Variants in RAP1A observed in about 807,000 individuals in gnomAD.
RAP1A encodes ras-related protein Rap-1A.
A neutral mutation model predicts 26.4 loss-of-function variants in RAP1A; 6 were observed. The observed-to-expected ratio is 0.23, with a 90% CI of 0.12 to 0.45. The LOEUF is 0.45. Among genes scored for constraint, RAP1A ranks in the 20% least tolerant of loss-of-function variants. The pLI, the probability that RAP1A is intolerant of heterozygous loss-of-function variation, is 0.99. For missense variants in RAP1A, 121 were observed against 217.2 expected (o/e 0.56, Z 2.78); for synonymous variants, 73 against 79.4 (o/e 0.92, Z 0.43).
intron 1 of RAP1A, among the ~76,000 whole-genome samples, chr1:111,651,080 G>A (rs1660253928): frequency 6.6e-6 from 1 of 152,164 alleles, no homozygotes; most frequent in Admixed American, 6.5e-5. Flanking sequence ...GGGATTACAG[G>A]TGTGAGCCAC....
At chr1:111,544,315 A>T (rs566594007) in intron 1 of RAP1A, among the ~76,000 whole-genome samples, 13 of 152,200 alleles carry the variant, frequency 8.5e-5, no homozygotes, top group Non-Finnish European at 1.9e-4. Flanking sequence ...ACAATGTTGT[A>T]CAACCATCAC....
intron 4 of RAP1A, among the ~76,000 whole-genome samples, chr1:111,700,535 C>T (rs541400384): frequency 5.9e-5 from 9 of 152,332 alleles, no homozygotes; most frequent in African/African-American, 1.9e-4. Flanking sequence ...CCACAGGCCT[C>T]ACCTCCAACA....
chr1:111,569,306 C>T lies in RAP1A; in HGVS notation c.-28+26797C>T, dbSNP rs559100186. Among the ~76,000 whole-genome samples, 8 of 147,892 alleles carry T rather than the reference C, an allele frequency of 5.4e-5. No individual in the cohort carries two copies. The East Asian group carries it at 6.0e-4, about 11-fold the overall frequency. ...GTCCCAGCTACCTGGGAAGCTGAGG[C>T]GGGGGAATCTTGAGCCCAGGAGGTG... On this transcript the variant is annotated intron_variant, in intron 1 of 7. Transcript: ENST00000356415.
chr1:111,566,574 C>T (rs976506692), intron 1 of RAP1A, among the ~76,000 whole-genome samples: 2 of 152,216 alleles, frequency 1.3e-5, no homozygotes, highest in Non-Finnish European at 2.9e-5. Flanking sequence ...CCTGGAATTT[C>T]ACCTGGGCAT....
chr1:111,670,977 A>G (rs767556007), intron 1 of RAP1A, among the ~76,000 whole-genome samples: 6 of 152,246 alleles, frequency 3.9e-5, no homozygotes, highest in African/African-American at 9.6e-5. Context: ...CAAAGGTGCA[A>G]TGAATCACAT....
At chr1:111,569,357 C>T (rs1657990229) in intron 1 of RAP1A, among the ~76,000 whole-genome samples, 1 of 145,664 alleles carries the variant, frequency 6.9e-6, no homozygotes, top group Non-Finnish European at 1.5e-5. Flanking sequence ...CGAGATCGCA[C>T]CATTGCACTC....
intron 1 of RAP1A, among the ~76,000 whole-genome samples, chr1:111,650,993 G>A (rs979895280): frequency 6.6e-6 from 1 of 151,944 alleles, no homozygotes; most frequent in Non-Finnish European, 1.5e-5. Flanking sequence ...TAGTACAGAT[G>A]GAGTTTCACC....
chr1:111,676,796 A>ATTT (rs559287814), intron 1 of RAP1A, among the ~76,000 whole-genome samples: 1 of 144,210 alleles, frequency 6.9e-6, no homozygotes, highest in African/African-American at 2.5e-5. Flanking sequence ...TCTTCTCTAG[A>ATTT]TTTTTTTTTT....
intron 1 of RAP1A, among the ~76,000 whole-genome samples, chr1:111,622,895 C>A (rs1307425419): frequency 2.0e-5 from 3 of 152,094 alleles, no homozygotes; most frequent in Non-Finnish European, 2.9e-5. Context: ...CCAGATCTTG[C>A]CAGTGTTTAG....
At chr1:111,562,409 T>C (rs1005116186) in intron 1 of RAP1A, among the ~76,000 whole-genome samples, 7 of 152,214 alleles carry the variant, frequency 4.6e-5, no homozygotes, top group African/African-American at 1.7e-4. Context: ...TCTGTGTGGT[T>C]AAATTAAACA....
At chr1:111,544,327 A>G (rs1235865690) in intron 1 of RAP1A, among the ~76,000 whole-genome samples, 4 of 152,142 alleles carry the variant, frequency 2.6e-5, no homozygotes, top group Non-Finnish European at 5.9e-5. Flanking sequence ...AACCATCACT[A>G]CTATCCAATT....
chr1:111,681,412 G>T (rs1283926725), intron 1 of RAP1A, among the ~76,000 whole-genome samples: 1 of 152,200 alleles, frequency 6.6e-6, no homozygotes, highest in African/African-American at 2.4e-5. Context: ...CCAAGCTAAA[G>T]TGCATGTTCT....
intron 1 of RAP1A, chr1:111,600,165 C>T (rs550590143): frequency 5.3e-5 from 8 of 152,222 alleles, no homozygotes; most frequent in Non-Finnish European, 1.2e-4. Context: ...TTTATAGCAA[C>T]ACAAGAACAG....
intron 1 of RAP1A, among the ~76,000 whole-genome samples, chr1:111,654,146 T>C (rs1660376726): frequency 6.6e-6 from 1 of 152,242 alleles, no homozygotes; most frequent in Non-Finnish European, 1.5e-5. Flanking sequence ...AGCAAGAGCC[T>C]AAGGACTCTC....
At chr1:111,679,528 T>C (rs1210813799) in intron 1 of RAP1A, among the ~76,000 whole-genome samples, 1 of 151,982 alleles carries the variant, frequency 6.6e-6, no homozygotes, top group Non-Finnish European at 1.5e-5. Flanking sequence ...TTTTTTTTTG[T>C]ACCCAGTGGC....
chr1:111,590,440 A>G (rs1007763867), intron 1 of RAP1A, among the ~76,000 whole-genome samples: 8 of 152,228 alleles, frequency 5.3e-5, no homozygotes, highest in African/African-American at 1.9e-4. Context: ...TCCTTTATCA[A>G]GTTAGGGAAT....
At chr1:111,665,921 A>G (rs745982588) in intron 1 of RAP1A, among the ~76,000 whole-genome samples, 8 of 152,190 alleles carry the variant, frequency 5.3e-5, no homozygotes, top group Non-Finnish European at 1.2e-4. Context: ...GAGCTTTAAA[A>G]TGATTTAAAG....
chr1:111,636,483 A>ATT (rs796747616), intron 1 of RAP1A, among the ~76,000 whole-genome samples: 4 of 143,514 alleles, frequency 2.8e-5, no homozygotes, highest in African/African-American at 5.1e-5. Context: ...AGAAAGGTAA[A>ATT]TTTTTTTTTT....
In RAP1A at chr1:111,679,221, G is replaced by A. The variant is rs1222850732; in HGVS notation, c.-27-12113G>A. Among the ~76,000 whole-genome samples the A allele has an allele frequency of 3.3e-5, 5 of 152,168 alleles. No individual in the cohort carries two copies. The East Asian group carries it at 9.6e-4, about 29-fold the overall frequency. On this transcript the variant is annotated intron_variant, in intron 1 of 7. Transcript: ENST00000369709. The stretch of plus-strand genomic sequence containing the variant: ...TCTCACTGGGACTGGGTTAGACAGT[G>A]GGTGTAGCTCATGGAGGGCTAGCAG...
Sources: gnomAD v4.1 joint callset for allele counts (sites outside exome capture counted in the v4.1 genomes callset) on GRCh38, gnomAD v4.1.1 for gene constraint, MANE v1.5 for transcripts, NCBI Gene and HGNC (gene_info 2026-07-23, HGNC 2026-07-21) for gene names.